The following ZNF469 variants were observed in gnomAD, a reference collection of about 807,000 sequenced individuals.
The protein encoded by ZNF469 is zinc finger protein 469.
In ZNF469, 1 loss-of-function variant was observed where a neutral mutation model predicts 1.0. That is an observed-to-expected ratio of 1.00 (90% confidence interval 0.35 to 4.73). The LOEUF is 4.73. Ranked by LOEUF, ZNF469 falls within the 30% of genes most tolerant of loss-of-function variation. The pLI, the probability that ZNF469 is intolerant of heterozygous loss-of-function variation, is 0.16. For missense variants in ZNF469, 6,100 were observed against 5,356.3 expected (o/e 1.14, Z -4.33); for synonymous variants, 2,703 against 2,363.4 (o/e 1.14, Z -4.17).
chr16:88,216,818 A>AT, the ZNF469 span, among the ~76,000 whole-genome samples: 1 of 151,882 alleles, frequency 6.6e-6, no homozygotes, highest in East Asian at 1.9e-4. Context: ...ATTTTTCTAT[A>AT]TTTTTTATTA....
chr16:88,280,343 G>A, the ZNF469 span, among the ~76,000 whole-genome samples: 5 of 151,976 alleles, frequency 3.3e-5, no homozygotes, highest in Admixed American at 6.5e-5. Context: ...GCGCTACGCC[G>A]ACACTTGGTC....
the ZNF469 span, among the ~76,000 whole-genome samples, chr16:88,211,994 G>T: frequency 6.6e-6 from 1 of 152,192 alleles, no homozygotes; most frequent in Non-Finnish European, 1.5e-5. Context: ...GTTATTTGTG[G>T]AACAGCTGGT....
chr16:88,359,604 C>A, the ZNF469 span, among the ~76,000 whole-genome samples: 1 of 152,182 alleles, frequency 6.6e-6, no homozygotes, highest in Non-Finnish European at 1.5e-5. Context: ...AGTTTCAGTC[C>A]ACTTATCTAA....
At chr16:88,404,209 T>C (rs1369572372) in intron 1 of ZNF469, among the ~76,000 whole-genome samples, 1 of 152,230 alleles carries the variant, frequency 6.6e-6, no homozygotes. Context: ...CAATGGGTGC[T>C]GGCCCCTGGG....
At chr16:88,310,754 A>AT in the ZNF469 span, among the ~76,000 whole-genome samples, 2 of 151,986 alleles carry the variant, frequency 1.3e-5, no homozygotes, top group African/African-American at 4.8e-5. Context: ...TAATCTTAGT[A>AT]TTTTTAGTAG....
the ZNF469 span, among the ~76,000 whole-genome samples, chr16:88,296,025 G>C: frequency 1.3e-5 from 2 of 152,184 alleles, no homozygotes. Context: ...GTCCCCCCTC[G>C]GGCTCTCGGC....
chr16:88,256,934 CTTTCTTTCTTTCTTTCTTTTCT>C, the ZNF469 span, among the ~76,000 whole-genome samples: 1 of 14,834 alleles, frequency 6.7e-5, no homozygotes, highest in Non-Finnish European at 1.5e-4. Context: ...TTCTTTCTTT[CTTTCTTTCTTTCTTTCTTTTCT>C]TTTCTTTCGT....
the ZNF469 span, among the ~76,000 whole-genome samples, chr16:88,318,206 G>C: frequency 6.6e-6 from 1 of 152,222 alleles, no homozygotes; most frequent in Non-Finnish European, 1.5e-5. Context: ...GGAGGCCGCT[G>C]GTTCTCCAGG....
At chr16:88,137,032 C>A in the ZNF469 span, among the ~76,000 whole-genome samples, 1 of 152,226 alleles carries the variant, frequency 6.6e-6, no homozygotes. Context: ...GTGCATACAA[C>A]CATGTGTGCA....
the ZNF469 span, among the ~76,000 whole-genome samples, chr16:88,281,675 C>A: frequency 6.6e-6 from 1 of 150,562 alleles, no homozygotes; most frequent in African/African-American, 2.4e-5. Flanking sequence ...TAGTGCTGTG[C>A]CACACCAACA....
At position 88,435,023 on chromosome 16, in the gene ZNF469, C is replaced by A. The variant is rs201943633; in HGVS notation, c.7553C>A (p.Pro2518His). 3.2e-3 allele frequency: 4,972 copies of A among 1,550,376 alleles called. 9 individuals are homozygous for A. Among genetic ancestry groups the A allele is most frequent in the Non-Finnish European group, 4.1e-3 (4,652 of 1,146,990 alleles). Residue 2518 changes from proline to histidine, a missense_variant, in exon 3 of 3, where the codon CCC (proline) becomes CAC (histidine). Coordinates refer to ENST00000565624, the MANE Select transcript of ZNF469 (RefSeq NM_001367624.2). ...TTGCCTGCTCAGCAGCCTCTAGAGCCCCTAGCCCAAAAGTGCCAGCCGCCC... is the reference window on the plus strand; with the variant it reads ...TTGCCTGCTCAGCAGCCTCTAGAGCACCTAGCCCAAAAGTGCCAGCCGCCC... ...AALPAQQPLE[P>H]LAQKCQPPRK...
At chr16:88,197,816 G>A in the ZNF469 span, among the ~76,000 whole-genome samples, 7 of 152,326 alleles carry the variant, frequency 4.6e-5, no homozygotes, top group South Asian at 2.1e-4. Flanking sequence ...CATCTGCCAT[G>A]CGGGCTTCTC....
chr16:88,437,097 G>A lies in ZNF469; in HGVS notation c.9627G>A (p.Arg3209=), dbSNP rs2142314347. Residue 3209 remains arginine (R), a synonymous_variant, in exon 3 of 3, where the codon AGG becomes AGA. Transcript: ENST00000565624. ...VRFARRGQAR[R]SLGDLPGGLE... is the part of the protein sequence containing the mutation. ...TCGCCCGCAGGGGGCAGGCGCGGAG[G>A]TCCTTGGGGGACCTGCCCGGAGGCC... 1.3e-6 allele frequency: 2 copies of A among 1,546,626 alleles called. No homozygotes were observed. Among genetic ancestry groups the A allele is most frequent in the Non-Finnish European group, 1.7e-6 (2 of 1,146,338 alleles).
chr16:88,130,365 C>T, the ZNF469 span, among the ~76,000 whole-genome samples: 1 of 152,104 alleles, frequency 6.6e-6, no homozygotes, highest in Non-Finnish European at 1.5e-5. Context: ...AACCACCACG[C>T]AGGCAGAATG....
At chr16:88,404,174 G>GC (rs34676872) in intron 1 of ZNF469, among the ~76,000 whole-genome samples, 49,387 of 152,012 alleles carry the variant, frequency 0.32, 8,206 homozygotes, top group Non-Finnish European at 0.36. Flanking sequence ...ACATGTCACA[G>GC]CCCCACACCC....
the ZNF469 span, among the ~76,000 whole-genome samples, chr16:88,259,173 G>C: frequency 6.6e-6 from 1 of 152,210 alleles, no homozygotes; most frequent in Non-Finnish European, 1.5e-5. This position sits in a 1 kb window ranked among gnomAD's most constrained non-coding sequence, Gnocchi z 4.1. Flanking sequence ...GAATGAGGCC[G>C]TGCGGCCAGG....
At chr16:88,254,663 CAGG>C in the ZNF469 span, among the ~76,000 whole-genome samples, 3 of 152,188 alleles carry the variant, frequency 2.0e-5, no homozygotes, top group Admixed American at 1.3e-4. Context: ...GAGGCTGAGG[CAGG>C]AGAATTGCTT....
chr16:88,214,914 A>T, the ZNF469 span, among the ~76,000 whole-genome samples: 1 of 152,218 alleles, frequency 6.6e-6, no homozygotes, highest in East Asian at 1.9e-4. Flanking sequence ...ATAAATACAG[A>T]CTTAGGATTC....
At chr16:88,381,301 T>G (rs11861357), upstream of ZNF469, among the ~76,000 whole-genome samples, 1 of 140,464 alleles carries the variant, frequency 7.1e-6, no homozygotes, top group South Asian at 2.3e-4. Context: ...CTCACACACA[T>G]GCACTCATGC....
Sources: gnomAD v4.1 joint callset for allele counts (sites outside exome capture counted in the v4.1 genomes callset) on GRCh38, gnomAD v4.1.1 for gene constraint, Gnocchi (gnomAD v3.1) non-coding constraint, MANE v1.5 for transcripts, NCBI Gene and HGNC (gene_info 2026-07-23, HGNC 2026-07-21) for gene names.